Variants in PCBP3 observed in about 807,000 individuals in gnomAD.
The protein encoded by PCBP3 is poly(rC) binding protein 3, also known as poly(rC)-binding protein 3.
Under a neutral mutation model 52.7 loss-of-function variants are expected in PCBP3, and 25 were observed. The ratio of observed to expected loss-of-function variants is 0.47; its 90% CI spans 0.35 to 0.66. The LOEUF (loss-of-function observed/expected upper bound fraction) is 0.66. PCBP3 is among the 30% of genes least tolerant of loss of function. The pLI is 0.01. For synonymous variants in PCBP3, 162 were observed against 183.0 expected, an observed-to-expected ratio of 0.89 and a Z score of 0.93; for missense variants, 391 against 490.3, an observed-to-expected ratio of 0.80 and a Z score of 1.91.
chr21:45,771,998 CTATT>C (rs759574005), intron 4 of PCBP3, among the ~76,000 whole-genome samples: 6 of 152,012 alleles, frequency 3.9e-5, no homozygotes, highest in Admixed American at 6.5e-5. Context: ...TTTTGTTAAC[CTATT>C]TATTTAATTA....
At chr21:45,664,074 A>G (rs1358752514) in intron 1 of PCBP3, among the ~76,000 whole-genome samples, 3 of 147,882 alleles carry the variant, frequency 2.0e-5, no homozygotes, top group African/African-American at 5.0e-5. Flanking sequence ...ACTCACATGT[A>G]TAATAAACTC....
chr21:45,926,359 G>T lies in PCBP3; in HGVS notation c.718-3558G>T, dbSNP rs1443688905. ...GACGCTGATAAACAACTGTGTTACTGGTTTGTGTATTACTATGCTTTTTAT... is the reference window on the plus strand; with the variant it reads ...GACGCTGATAAACAACTGTGTTACTTGTTTGTGTATTACTATGCTTTTTAT... On this transcript the variant is annotated intron_variant, in intron 13 of 17. Coordinates refer to ENST00000681687, the MANE Select transcript of PCBP3 (RefSeq NM_001384156.1). Among the ~76,000 whole-genome samples the T allele has an allele frequency of 5.9e-5, 9 of 152,320 alleles. No individual in the cohort carries two copies. The East Asian group carries it at 1.5e-3, about 26-fold the overall frequency.
rs936273755 is a variant in PCBP3 at position 45,829,465 on chromosome 21, C to G, written c.-125-20496C>G. Reference sequence around the variant, plus strand: ...CTTTGGCATTCCTCCTCTCTCTCCTCGGCATTCCTTCTCTGGGCCTGGCTT... The same window carrying G: ...CTTTGGCATTCCTCCTCTCTCTCCTGGGCATTCCTTCTCTGGGCCTGGCTT... On this transcript the variant is annotated intron_variant, in intron 4 of 17. Transcript: ENST00000681687. The surrounding 1 kb of genome is among the most constrained non-coding windows in gnomAD (Gnocchi z 5.2). 6.6e-6 allele frequency: 1 copy of G among 152,524 alleles called. No individual in the cohort carries two copies. Among genetic ancestry groups the G allele is most frequent in the Non-Finnish European group, 1.5e-5 (1 of 68,306 alleles). 9.4% of individuals were successfully genotyped at this position (152,524 alleles called of 1,614,324 possible).
At chr21:45,733,571 A>G (rs2085627924) in intron 2 of PCBP3, among the ~76,000 whole-genome samples, 1 of 151,808 alleles carries the variant, frequency 6.6e-6, no homozygotes, top group Non-Finnish European at 1.5e-5. Flanking sequence ...GATTACAGGC[A>G]TGAGCCACCG....
At chr21:45,671,468 G>A (rs1253906750) in intron 2 of PCBP3, among the ~76,000 whole-genome samples, 11 of 152,320 alleles carry the variant, frequency 7.2e-5, no homozygotes. Flanking sequence ...CTTCCATTTT[G>A]GAAGGGGAGA....
intron 5 of PCBP3, among the ~76,000 whole-genome samples, chr21:45,881,724 C>T (rs979386647): frequency 6.6e-6 from 1 of 151,998 alleles, no homozygotes; most frequent in Non-Finnish European, 1.5e-5. Flanking sequence ...TTTCCCCCAA[C>T]CCCCCGCAGT....
intron 4 of PCBP3, among the ~76,000 whole-genome samples, chr21:45,845,129 G>A (rs532143406): frequency 1.3e-5 from 2 of 152,276 alleles, no homozygotes; most frequent in South Asian, 4.1e-4. Context: ...TGACAGTTCT[G>A]CTCTCTTATG....
At chr21:45,875,825 C>T (rs1176705987) in intron 5 of PCBP3, among the ~76,000 whole-genome samples, 1 of 152,224 alleles carries the variant, frequency 6.6e-6, no homozygotes, top group Non-Finnish European at 1.5e-5. Flanking sequence ...GGATCTTTCA[C>T]CTATATAGGA....
At chr21:45,936,346 G>A (rs772288197) in intron 16 of PCBP3, among the ~76,000 whole-genome samples, 2 of 152,224 alleles carry the variant, frequency 1.3e-5, no homozygotes, top group Non-Finnish European at 2.9e-5. Context: ...ATGGCAATGT[G>A]CACTCTAGGC....
intron 2 of PCBP3, among the ~76,000 whole-genome samples, chr21:45,711,111 G>A (rs1402463226): frequency 6.6e-6 from 1 of 152,142 alleles, no homozygotes; most frequent in Non-Finnish European, 1.5e-5. Flanking sequence ...TTTATCCAAG[G>A]AGTCCTGGTT....
At chr21:45,679,078 A>ATTT (rs34808106) in intron 2 of PCBP3, among the ~76,000 whole-genome samples, 71 of 120,818 alleles carry the variant, frequency 5.9e-4, no homozygotes, top group African/African-American at 2.0e-3. Flanking sequence ...GATTGTTAGC[A>ATTT]TTTTTTTTTT....
chr21:45,847,793 GC>G (rs2093847518), intron 4 of PCBP3, among the ~76,000 whole-genome samples: 1 of 152,178 alleles, frequency 6.6e-6, no homozygotes, highest in African/African-American at 2.4e-5. Flanking sequence ...TGCCTTCAGG[GC>G]CACCGTTCTG....
chr21:45,708,826 C>A (rs1367977761), intron 2 of PCBP3, among the ~76,000 whole-genome samples: 3 of 152,190 alleles, frequency 2.0e-5, no homozygotes, highest in African/African-American at 7.2e-5. Context: ...ATCCTTTGTT[C>A]CCCGTAGGAG....
intron 4 of PCBP3, among the ~76,000 whole-genome samples, chr21:45,792,763 C>T (rs187097521): frequency 5.5e-4 from 83 of 152,282 alleles, no homozygotes; most frequent in Non-Finnish European, 1.0e-3. Context: ...GGACGCTCAG[C>T]GCAGATTAAT....
intron 3 of PCBP3, among the ~76,000 whole-genome samples, chr21:45,739,068 A>G (rs1464099374): frequency 2.2e-4 from 12 of 53,878 alleles, no homozygotes; most frequent in Admixed American, 2.7e-4. Context: ...TCCTCTGGGT[A>G]GCCCCCCATC....
rs369245373 is a variant in PCBP3 at position 45,754,685 on chromosome 21, G to A, written c.-161-732G>A. On this transcript the variant is annotated intron_variant, in intron 3 of 17. Coordinates refer to ENST00000681687, the MANE Select transcript of PCBP3 (RefSeq NM_001384156.1). ...TAGAGAGGTTGAAAATCTAGTAACA[G>A]AGAAGCTAATACTAGCTCCTGCTCC... Among the ~76,000 whole-genome samples, 3 of 152,300 alleles carry A rather than the reference G, an allele frequency of 2.0e-5. No individual in the cohort carries two copies. In the East Asian group the frequency reaches 5.8e-4, roughly 29 times the overall value.
At chr21:45,657,822 G>T (rs971568371) in intron 1 of PCBP3, among the ~76,000 whole-genome samples, 9 of 152,118 alleles carry the variant, frequency 5.9e-5, no homozygotes, top group African/African-American at 9.7e-5. Context: ...GATTCCTGAG[G>T]ATTTTTTATA....
intron 4 of PCBP3, among the ~76,000 whole-genome samples, chr21:45,757,566 G>A (rs1261481914): frequency 6.6e-6 from 1 of 152,130 alleles, no homozygotes; most frequent in African/African-American, 2.4e-5. Flanking sequence ...TTGGTTGTGT[G>A]CAGTTAAGTC....
Position 45,926,322 on chromosome 21 carries a change from G to T in PCBP3, c.718-3595G>T, listed in dbSNP as rs186809264. ...TAGCACCTGCCGTTAAGCACAGCTC[G>T]TCATTCTAAATGACGCTGATAAACA... On this transcript the variant is annotated intron_variant, in intron 13 of 17. Coordinates refer to ENST00000681687, the MANE Select transcript of PCBP3 (RefSeq NM_001384156.1). Among the ~76,000 whole-genome samples the T allele has an allele frequency of 3.3e-5, 5 of 152,206 alleles. No homozygotes were observed. The South Asian group carries it at 6.2e-4, about 19-fold the overall frequency.
Sources: allele counts gnomAD v4.1 joint callset (sites outside exome capture counted in the v4.1 genomes callset), GRCh38; gene constraint gnomAD v4.1.1; non-coding constraint Gnocchi (gnomAD v3.1); transcripts MANE v1.5; gene names NCBI Gene and HGNC (gene_info 2026-07-23, HGNC 2026-07-21).